Variants in NTNG1 observed in about 807,000 individuals in gnomAD.
NTNG1 encodes netrin G1, also known as netrin-G1.
NTNG1 carries 16 observed loss-of-function variants against 54.0 expected under a neutral mutation model. The ratio of observed to expected loss-of-function variants is 0.30; its 90% CI spans 0.20 to 0.45. The LOEUF is 0.45. Ranked by LOEUF, NTNG1 falls within the 20% of genes least tolerant of loss-of-function variation. The pLI is 1.00. For synonymous variants in NTNG1, 255 were observed against 263.1 expected, an observed-to-expected ratio of 0.97 and a Z score of 0.30; for missense variants, 530 against 678.7, an observed-to-expected ratio of 0.78 and a Z score of 2.43.
At chr1:107,180,809 ATAT>A (rs1447455329) in intron 2 of NTNG1, among the ~76,000 whole-genome samples, 1 of 152,194 alleles carries the variant, frequency 6.6e-6, no homozygotes, top group Admixed American at 6.5e-5. Flanking sequence ...AATAATGGAT[ATAT>A]GTGTCCATTG....
chr1:107,178,194 CAA>C (rs533455218), intron 2 of NTNG1, among the ~76,000 whole-genome samples: 6 of 152,254 alleles, frequency 3.9e-5, no homozygotes, highest in African/African-American at 1.4e-4. Context: ...AATATTACAT[CAA>C]GTTTAGATCT....
At chr1:107,344,280 CA>C (rs1485845186) in intron 3 of NTNG1, among the ~76,000 whole-genome samples, 1 of 152,034 alleles carries the variant, frequency 6.6e-6, no homozygotes, top group African/African-American at 2.4e-5. Context: ...TGATATTTAC[CA>C]AAGTTTTTAT....
chr1:107,152,181 ATC>A (rs1393098503), intron 2 of NTNG1, among the ~76,000 whole-genome samples: 2 of 152,110 alleles, frequency 1.3e-5, no homozygotes, highest in African/African-American at 4.8e-5. Flanking sequence ...GCTAAAGAAA[ATC>A]TCTGTTTTTG....
intron 2 of NTNG1, among the ~76,000 whole-genome samples, chr1:107,157,687 G>A (rs72697664): frequency 0.019 from 2,944 of 152,066 alleles, 46 homozygotes; most frequent in Non-Finnish European, 0.033. Context: ...TATTGAGAGG[G>A]TTGATTTTTA....
At chr1:107,318,844 A>T (rs1463927640) in intron 2 of NTNG1, among the ~76,000 whole-genome samples, 1 of 152,078 alleles carries the variant, frequency 6.6e-6, no homozygotes, top group Non-Finnish European at 1.5e-5. Flanking sequence ...ACAAAATGAG[A>T]TTGCACTACA....
intron 3 of NTNG1, among the ~76,000 whole-genome samples, chr1:107,361,962 G>C (rs1256435070): frequency 1.3e-5 from 2 of 152,126 alleles, no homozygotes; most frequent in African/African-American, 4.8e-5. Flanking sequence ...AGCTGGAACA[G>C]ACTGATTTAA....
chr1:107,285,816 G>A (rs1665158027), intron 2 of NTNG1, among the ~76,000 whole-genome samples: 1 of 152,090 alleles, frequency 6.6e-6, no homozygotes, highest in Admixed American at 6.6e-5. Context: ...GACAATCCCA[G>A]CAGTACATTT....
chr1:107,177,336 C>CTT (rs1008000999), intron 2 of NTNG1, among the ~76,000 whole-genome samples: 3 of 146,622 alleles, frequency 2.0e-5, no homozygotes, highest in South Asian at 2.2e-4. Context: ...TAAGAAGCAA[C>CTT]TTTTTTTTTT....
chr1:107,259,189 T>C (rs1315809905), intron 2 of NTNG1, among the ~76,000 whole-genome samples: 2 of 152,222 alleles, frequency 1.3e-5, no homozygotes, highest in Non-Finnish European at 2.9e-5. Context: ...TCTATTTTTG[T>C]GCTATGTTTT....
chr1:107,354,540 C>G (rs1001413609), intron 3 of NTNG1, among the ~76,000 whole-genome samples: 1 of 151,124 alleles, frequency 6.6e-6, no homozygotes, highest in African/African-American at 2.4e-5. Context: ...CCATTAAACA[C>G]CAGTCAGTAT....
intron 2 of NTNG1, among the ~76,000 whole-genome samples, chr1:107,176,163 T>TTTTA (rs1656630593): frequency 6.6e-6 from 1 of 152,166 alleles, no homozygotes; most frequent in Non-Finnish European, 1.5e-5. Flanking sequence ...GCCAGTAAAT[T>TTTTA]AGGTCTATAG....
chr1:107,224,457 C>T (rs1002288738), intron 2 of NTNG1, among the ~76,000 whole-genome samples: 8 of 152,118 alleles, frequency 5.3e-5, no homozygotes, highest in African/African-American at 1.4e-4. Context: ...TTTATGATAT[C>T]GTCTTTCATG....
intron 3 of NTNG1, among the ~76,000 whole-genome samples, chr1:107,345,092 A>AAGAGAGACT (rs1418457406): frequency 6.6e-6 from 1 of 152,158 alleles, no homozygotes; most frequent in African/African-American, 2.4e-5. Context: ...CAATAATTCC[A>AAGAGAGACT]AGAGAGACTA....
intron 6 of NTNG1, among the ~76,000 whole-genome samples, chr1:107,436,113 A>G (rs1446924021): frequency 1.3e-5 from 2 of 152,226 alleles, no homozygotes; most frequent in African/African-American, 2.4e-5. Flanking sequence ...CTGCATTAAT[A>G]TGCCTAGCAA....
intron 2 of NTNG1, among the ~76,000 whole-genome samples, chr1:107,175,027 T>G (rs1025479838): frequency 6.6e-6 from 1 of 152,204 alleles, no homozygotes; most frequent in Non-Finnish European, 1.5e-5. Flanking sequence ...TGGTGAAATA[T>G]TATCAAGCAT....
At chr1:107,337,092 C>G (rs1668626254) in intron 3 of NTNG1, among the ~76,000 whole-genome samples, 1 of 151,870 alleles carries the variant, frequency 6.6e-6, no homozygotes, top group African/African-American at 2.4e-5. Flanking sequence ...GCCATATGAT[C>G]CAGGAATTCC....
chr1:107,203,900 A>G (rs577540978), intron 2 of NTNG1, among the ~76,000 whole-genome samples: 26 of 152,064 alleles, frequency 1.7e-4, no homozygotes, highest in African/African-American at 5.8e-4. Context: ...TCAGTTCACT[A>G]ATTCTTATCA....
intron 2 of NTNG1, among the ~76,000 whole-genome samples, chr1:107,313,636 A>G (rs1667159288): frequency 6.6e-6 from 1 of 152,218 alleles, no homozygotes; most frequent in Non-Finnish European, 1.5e-5. Context: ...ATCTAAAATA[A>G]GAAGGAAAAC....
chr1:107,237,471 A>G (rs1008603521), intron 2 of NTNG1, among the ~76,000 whole-genome samples: 2 of 152,234 alleles, frequency 1.3e-5, no homozygotes, highest in Admixed American at 6.5e-5. Context: ...AGAAATTCAC[A>G]TAAGTAATGA....
Sources: gnomAD v4.1 joint callset for allele counts (sites outside exome capture counted in the v4.1 genomes callset) on GRCh38, gnomAD v4.1.1 for gene constraint, MANE v1.5 for transcripts, NCBI Gene and HGNC (gene_info 2026-07-23, HGNC 2026-07-21) for gene names.